CDH4: variants seen among roughly 807,000 people sequenced by gnomAD.
The protein encoded by CDH4 is cadherin-4.
Under a neutral mutation model 86.0 loss-of-function variants are expected in CDH4, and 33 were observed. That is an observed-to-expected ratio of 0.38 (90% CI 0.29 to 0.51). CDH4 has a LOEUF of 0.51. Ranked by LOEUF, CDH4 falls within the 20% of genes least tolerant of loss-of-function variation. The pLI is 0.86. For synonymous variants in CDH4, 555 were observed against 549.4 expected (o/e 1.01, Z -0.14); for missense variants, 1,114 against 1,307.4 (o/e 0.85, Z 2.28).
rs1215978122 is a variant in CDH4, at chr20:61,807,344, G to A, written c.576+34162G>A. 6.6e-6 allele frequency among the ~76,000 whole-genome samples: 1 copy of A among 152,252 alleles called. No individual in the cohort carries two copies. Among genetic ancestry groups the A allele is most frequent in the Non-Finnish European group, 1.5e-5 (1 of 68,044 alleles). On this transcript the variant is annotated intron_variant, in intron 4 of 15. Transcript: ENST00000614565. The surrounding 1 kb of genome is among the most constrained non-coding windows in gnomAD (Gnocchi z 4.5). ...GCCCCGCTGGGGTCTTTGGATCTCA[G>A]GAGAGTGGGCGGTGGGAGAGGATTC...
At chr20:61,362,147 C>T (rs2084786695) in intron 2 of CDH4, among the ~76,000 whole-genome samples, 1 of 152,072 alleles carries the variant, frequency 6.6e-6, no homozygotes, top group Non-Finnish European at 1.5e-5. Flanking sequence ...AAGAAAGAGC[C>T]AGGAAGGCAA....
chr20:61,460,785 G>T (rs899041061), intron 2 of CDH4, among the ~76,000 whole-genome samples: 1 of 152,224 alleles, frequency 6.6e-6, no homozygotes, highest in African/African-American at 2.4e-5. Flanking sequence ...GTGGCAGCAG[G>T]CCTCTCGAGA....
intron 4 of CDH4, among the ~76,000 whole-genome samples, chr20:61,813,829 A>T (rs993750760): frequency 2.0e-5 from 3 of 152,174 alleles, no homozygotes; most frequent in African/African-American, 7.2e-5. Context: ...AGCCCTCTCC[A>T]GTATAATAGA....
intron 2 of CDH4, among the ~76,000 whole-genome samples, chr20:61,607,086 A>G (rs1295668937): frequency 6.6e-6 from 1 of 152,256 alleles, no homozygotes; most frequent in Non-Finnish European, 1.5e-5. Context: ...TGGTAACACC[A>G]TCACCGTTCT....
chr20:61,304,075 A>G (rs1167801538), intron 2 of CDH4, among the ~76,000 whole-genome samples: 1 of 152,034 alleles, frequency 6.6e-6, no homozygotes, highest in Non-Finnish European at 1.5e-5. Context: ...TGGGACCCTC[A>G]AGGAACCCGT....
At chr20:61,704,027 G>A (rs1365838811) in intron 2 of CDH4, among the ~76,000 whole-genome samples, 1 of 151,882 alleles carries the variant, frequency 6.6e-6, no homozygotes, top group Non-Finnish European at 1.5e-5. Context: ...TGGGTCCCTG[G>A]CTCGAGCCAG....
chr20:61,357,842 T>C (rs1600897746), intron 2 of CDH4, among the ~76,000 whole-genome samples: 1 of 152,356 alleles, frequency 6.6e-6, no homozygotes, highest in South Asian at 2.1e-4. Flanking sequence ...TCTCTGGCCT[T>C]GACTCTATGA....
At chr20:61,283,749 A>G (rs996572564) in intron 2 of CDH4, among the ~76,000 whole-genome samples, 6 of 152,252 alleles carry the variant, frequency 3.9e-5, no homozygotes, top group Admixed American at 3.9e-4. Context: ...GTGATGGGTC[A>G]TTAGAAGCAG....
At chr20:61,557,607 C>T (rs1047335243) in intron 2 of CDH4, among the ~76,000 whole-genome samples, 2 of 152,176 alleles carry the variant, frequency 1.3e-5, no homozygotes, top group Admixed American at 6.5e-5. Context: ...AGAGATAAAA[C>T]TCATGAGTGA....
At chr20:61,805,978 G>T (rs969549861) in intron 4 of CDH4, among the ~76,000 whole-genome samples, 4 of 152,236 alleles carry the variant, frequency 2.6e-5, no homozygotes, top group Non-Finnish European at 5.9e-5. Context: ...ACGCAGGCCC[G>T]CTGGGAGGTG....
intron 2 of CDH4, among the ~76,000 whole-genome samples, chr20:61,595,948 TC>T (rs2086554484): frequency 6.6e-6 from 1 of 152,214 alleles, no homozygotes. Flanking sequence ...CTCCCTGGGC[TC>T]AGGGCAAGGA....
chr20:61,539,517 C>T (rs1025975041), intron 2 of CDH4, among the ~76,000 whole-genome samples: 1 of 152,172 alleles, frequency 6.6e-6, no homozygotes, highest in Non-Finnish European at 1.5e-5. Context: ...TATAAGGACG[C>T]CAGCCAGGTT....
intron 2 of CDH4, among the ~76,000 whole-genome samples, chr20:61,706,702 C>T (rs764838681): frequency 1.3e-5 from 2 of 152,136 alleles, no homozygotes; most frequent in African/African-American, 2.4e-5. Flanking sequence ...TGTGTAGAAA[C>T]CACCTTGGCT....
intron 2 of CDH4, among the ~76,000 whole-genome samples, chr20:61,666,777 C>T (rs2087329797): frequency 6.6e-6 from 1 of 152,230 alleles, no homozygotes; most frequent in South Asian, 2.1e-4. Flanking sequence ...TGGGAATCTG[C>T]CGGCCACAGT....
intron 2 of CDH4, among the ~76,000 whole-genome samples, chr20:61,553,088 T>C (rs1181376249): frequency 6.6e-6 from 1 of 152,166 alleles, no homozygotes; most frequent in African/African-American, 2.4e-5. Flanking sequence ...ATCCAGACAG[T>C]GGAATATTCA....
chr20:61,930,350 T>C (rs1963873832), intron 13 of CDH4, among the ~76,000 whole-genome samples: 1 of 152,158 alleles, frequency 6.6e-6, no homozygotes, highest in South Asian at 2.1e-4. Context: ...GTTTCTTGAG[T>C]TTCCCACAAC....
At chr20:61,597,742 G>T (rs921441950) in intron 2 of CDH4, among the ~76,000 whole-genome samples, 1 of 152,180 alleles carries the variant, frequency 6.6e-6, no homozygotes, top group Non-Finnish European at 1.5e-5. Context: ...AGAGGGGCAG[G>T]GTGGCCCATG....
chr20:61,692,577 C>T (rs2087671466), intron 2 of CDH4, among the ~76,000 whole-genome samples: 1 of 152,200 alleles, frequency 6.6e-6, no homozygotes, highest in African/African-American at 2.4e-5. Context: ...GCCACGTTTC[C>T]TAATAAGCAT....
At chr20:61,564,010 A>T (rs940059704) in intron 2 of CDH4, among the ~76,000 whole-genome samples, 2 of 151,696 alleles carry the variant, frequency 1.3e-5, no homozygotes, top group Non-Finnish European at 2.9e-5. Flanking sequence ...TCCCTCATTC[A>T]CTTCTCTGTC....
Sources: allele counts gnomAD v4.1 joint callset (sites outside exome capture counted in the v4.1 genomes callset), GRCh38; gene constraint gnomAD v4.1.1; non-coding constraint Gnocchi (gnomAD v3.1); transcripts MANE v1.5; gene names NCBI Gene and HGNC (gene_info 2026-07-23, HGNC 2026-07-21).